Variants in KCNIP1 observed in about 807,000 individuals in gnomAD.
KCNIP1 encodes A-type potassium channel modulatory protein KCNIP1.
A neutral mutation model predicts 33.0 loss-of-function variants in KCNIP1; 18 were observed. That is an observed-to-expected ratio of 0.55 (90% confidence interval 0.38 to 0.81). The LOEUF (loss-of-function observed/expected upper bound fraction) is 0.81. Among genes scored for constraint, KCNIP1 ranks in the 30% least tolerant of loss-of-function variants. KCNIP1 has a pLI of 0.00. For missense variants in KCNIP1, 238 were observed against 271.6 expected, an observed-to-expected ratio of 0.88 and a Z score of 0.87; for synonymous variants, 93 against 98.3, an observed-to-expected ratio of 0.95 and a Z score of 0.32.
At chr5:170,457,892 T>C (rs1028660658) in intron 1 of KCNIP1, among the ~76,000 whole-genome samples, 2 of 152,108 alleles carry the variant, frequency 1.3e-5, no homozygotes, top group Non-Finnish European at 2.9e-5. Flanking sequence ...GTTATTAAGC[T>C]AATCAGGAAG....
chr5:170,513,363 A>G lies in KCNIP1; in HGVS notation c.61+8730A>G, dbSNP rs1755011765. On this transcript the variant is annotated intron_variant, in intron 1 of 7. Transcript: ENST00000328939. ...AACCCCAGCCCTGGTCATCTCATAT[A>G]AATTGTTAAGAAGTCAGATTTCCAG... Among the ~76,000 whole-genome samples the G allele has an allele frequency of 2.6e-5, 4 of 152,354 alleles. No individual in the cohort carries two copies. In the South Asian group the frequency reaches 8.3e-4, roughly 32 times the overall value.
intron 1 of KCNIP1, among the ~76,000 whole-genome samples, chr5:170,390,123 T>G (rs1429040966): frequency 6.6e-6 from 1 of 151,430 alleles, no homozygotes; most frequent in Non-Finnish European, 1.5e-5. Flanking sequence ...TTCCTAGCAA[T>G]AAGACAAGTG....
chr5:170,711,744 T>C (rs1469963415), intron 1 of KCNIP1, among the ~76,000 whole-genome samples: 1 of 152,052 alleles, frequency 6.6e-6, no homozygotes, highest in Non-Finnish European at 1.5e-5. Flanking sequence ...AAAAAATAAA[T>C]AAATACAAAT....
chr5:170,401,686 C>T (rs1754908470), intron 1 of KCNIP1, among the ~76,000 whole-genome samples: 1 of 151,332 alleles, frequency 6.6e-6, no homozygotes, highest in African/African-American at 2.4e-5. Flanking sequence ...GGCTTGAGCC[C>T]AGGAAGTCAA....
chr5:170,394,152 G>A (rs573529451), intron 1 of KCNIP1, among the ~76,000 whole-genome samples: 3 of 152,206 alleles, frequency 2.0e-5, no homozygotes, highest in Admixed American at 2.0e-4. Context: ...TTGCCTCCTG[G>A]CCAGCTCTTC....
chr5:170,579,830 C>T (rs1274528978), intron 1 of KCNIP1, among the ~76,000 whole-genome samples: 1 of 152,270 alleles, frequency 6.6e-6, no homozygotes, highest in Non-Finnish European at 1.5e-5. Flanking sequence ...GCATTCTCCG[C>T]CTCTCTCCTA....
chr5:170,669,622 A>G, intron 1 of KCNIP1: 4 of 985,456 alleles, frequency 4.1e-6, no homozygotes, highest in Non-Finnish European at 3.6e-6. Flanking sequence ...AGGTTATACC[A>G]TTTTAGAGTA....
intron 1 of KCNIP1, among the ~76,000 whole-genome samples, chr5:170,551,686 G>A (rs929231776): frequency 8.1e-4 from 123 of 151,918 alleles, no homozygotes; most frequent in African/African-American, 2.9e-3. Context: ...GAGTGTGGAT[G>A]AGAGTGTGTA....
At chr5:170,601,849 C>A (rs376276288) in intron 1 of KCNIP1, among the ~76,000 whole-genome samples, 1 of 152,116 alleles carries the variant, frequency 6.6e-6, no homozygotes, top group Non-Finnish European at 1.5e-5. Flanking sequence ...CGAGCAGGGG[C>A]CTTTGAAGAG....
At chr5:170,492,704 G>T (rs960539255) in intron 1 of KCNIP1, among the ~76,000 whole-genome samples, 2 of 152,258 alleles carry the variant, frequency 1.3e-5, no homozygotes, top group African/African-American at 4.8e-5. Context: ...GAAACTCCAA[G>T]GGTTTTAGGG....
rs1764388592 is a variant in KCNIP1 at position 170,736,349 on chromosome 5, C to T, written c.*543C>T. On this transcript the variant is annotated 3_prime_UTR_variant, in exon 8 of 8. Coordinates refer to ENST00000328939, the MANE Select transcript of KCNIP1 (RefSeq NM_014592.4). ...AGCACCTAACATATGTGGGATAGGA[C>T]TGAATTATTAAGCATGATATTGTCT... The T allele has an allele frequency of 6.5e-6, 1 of 153,364 alleles. No homozygotes were observed. The highest frequency in any genetic ancestry group is 2.1e-4 in the South Asian group (1 of 4,852). 9.5% of individuals were successfully genotyped at this position (153,364 alleles called of 1,614,324 possible).
upstream of KCNIP1, chr5:170,503,985 C>CCCGCCGCCCCCTCCGCCGCCCCCT (rs540642345): frequency 9.9e-4 from 929 of 937,996 alleles, 8 homozygotes; most frequent in South Asian, 0.011. Flanking sequence ...TAGTTGCCCG[C>CCCGCCGCCCCCTCCGCCGCCCCCT]CCGCCGCCCC....
chr5:170,633,231 C>T (rs1248160058), intron 1 of KCNIP1, among the ~76,000 whole-genome samples: 2 of 151,944 alleles, frequency 1.3e-5, no homozygotes, highest in Non-Finnish European at 2.9e-5. Flanking sequence ...GCGGGACCCT[C>T]CGAAGTGGGA....
chr5:170,425,393 T>C (rs780036928), intron 1 of KCNIP1, among the ~76,000 whole-genome samples: 31 of 152,196 alleles, frequency 2.0e-4, no homozygotes, highest in Non-Finnish European at 4.1e-4. Flanking sequence ...ACCTCCAGGC[T>C]CAGGCCCCAT....
chr5:170,578,878 G>T (rs550624831), intron 1 of KCNIP1, among the ~76,000 whole-genome samples: 21 of 152,256 alleles, frequency 1.4e-4, no homozygotes, highest in African/African-American at 4.8e-4. Context: ...AGAGAGATTG[G>T]GAGCGTAAGA....
chr5:170,522,294 C>A (rs1382460453), intron 1 of KCNIP1, among the ~76,000 whole-genome samples: 1 of 152,236 alleles, frequency 6.6e-6, no homozygotes, highest in African/African-American at 2.4e-5. Flanking sequence ...CAGCCTGCAG[C>A]AGATGGTCAG....
At chr5:170,541,170 G>A (rs1283209918) in intron 1 of KCNIP1, among the ~76,000 whole-genome samples, 1 of 152,184 alleles carries the variant, frequency 6.6e-6, no homozygotes, top group Non-Finnish European at 1.5e-5. Flanking sequence ...ATGGGCCAAT[G>A]GTAGGGGTGG....
chr5:170,573,290 G>C (rs565348161), intron 1 of KCNIP1, among the ~76,000 whole-genome samples: 2 of 152,266 alleles, frequency 1.3e-5, no homozygotes, highest in African/African-American at 4.8e-5. Flanking sequence ...CTGGCGGTCT[G>C]GGGAAATCTG....
At chr5:170,463,570 A>G (rs1359574632) in intron 1 of KCNIP1, among the ~76,000 whole-genome samples, 1 of 152,216 alleles carries the variant, frequency 6.6e-6, no homozygotes, top group Non-Finnish European at 1.5e-5. Context: ...AGAAAAAAAC[A>G]CATGATCATC....
Sources: gnomAD v4.1 joint callset for allele counts (sites outside exome capture counted in the v4.1 genomes callset) on GRCh38, gnomAD v4.1.1 for gene constraint, MANE v1.5 for transcripts, NCBI Gene and HGNC (gene_info 2026-07-23, HGNC 2026-07-21) for gene names.